The following NRF1 variants were observed in gnomAD, a reference collection of about 807,000 sequenced individuals.
NRF1 encodes alpha palindromic-binding protein.
In NRF1, 5 loss-of-function variants were observed where a neutral mutation model predicts 58.5. That is an observed-to-expected ratio of 0.09 (90% CI 0.04 to 0.18). The LOEUF (loss-of-function observed/expected upper bound fraction) is 0.18, where lower values mean the gene tolerates loss of function less well. Ranked by LOEUF, NRF1 falls within the 10% of genes least tolerant of loss-of-function variation. NRF1 has a pLI of 1.00. For synonymous variants in NRF1, 224 were observed against 246.7 expected (o/e 0.91, Z 0.86); for missense variants, 288 against 657.7 (o/e 0.44, Z 6.15).
intron 1 of NRF1, among the ~76,000 whole-genome samples, chr7:129,617,546 C>T (rs768253440): frequency 2.0e-5 from 3 of 152,198 alleles, no homozygotes; most frequent in Admixed American, 6.5e-5. Context: ...CATTCATTCA[C>T]CTGACGATGA....
chr7:129,703,179 G>A (rs370879879), intron 5 of NRF1, among the ~76,000 whole-genome samples: 2 of 152,140 alleles, frequency 1.3e-5, no homozygotes, highest in African/African-American at 4.8e-5. Flanking sequence ...GGAAGTGGTA[G>A]TATTTTCTAT....
intron 1 of NRF1, among the ~76,000 whole-genome samples, chr7:129,631,424 T>A (rs1801046859): frequency 6.6e-6 from 1 of 152,074 alleles, no homozygotes. Flanking sequence ...CTCCCTATGT[T>A]GCCAAGGCTG....
Position 129,719,497 on chromosome 7 carries a change from AACACACACACACACACACACAC to A in NRF1, c.1223+2147_1223+2168del, listed in dbSNP as rs67443980. ...TGGTTGATTAGGAATAGGAAACTGAAACACACACACACACACACACACACACACACACACACACACACACACA... is the reference window on the plus strand; with the variant it reads ...TGGTTGATTAGGAATAGGAAACTGAAACACACACACACACACACACACACA... On this transcript the variant is annotated intron_variant, in intron 9 of 10. Coordinates refer to ENST00000393232, the MANE Select transcript of NRF1 (RefSeq NM_005011.5). Among the ~76,000 whole-genome samples, 689 of 141,998 alleles carry A rather than the reference AACACACACACACACACACACAC, an allele frequency of 4.9e-3. 2 individuals carry two copies. Among genetic ancestry groups the A allele is most frequent in the Non-Finnish European group, 8.0e-3 (516 of 64,578 alleles). 93.2% of individuals were successfully genotyped at this position (141,998 alleles called of 152,430 possible).
chr7:129,751,229 G>A (rs1477987949), intron 10 of NRF1, among the ~76,000 whole-genome samples: 1 of 152,194 alleles, frequency 6.6e-6, no homozygotes, highest in African/African-American at 2.4e-5. Context: ...AAGTGAGTGG[G>A]GATTAGTGGA....
At chr7:129,673,446 G>A (rs781266299) in intron 3 of NRF1, among the ~76,000 whole-genome samples, 14 of 152,102 alleles carry the variant, frequency 9.2e-5, no homozygotes, top group Admixed American at 2.0e-4. Context: ...AGCTGTTTTC[G>A]GGGTCGGGCG....
intron 1 of NRF1, among the ~76,000 whole-genome samples, chr7:129,654,042 C>G (rs766544996): frequency 6.6e-6 from 1 of 152,178 alleles, no homozygotes; most frequent in Admixed American, 6.5e-5. Context: ...TTATAACAGA[C>G]TGCCACACTG....
chr7:129,697,959 T>C (rs1387285148), intron 5 of NRF1, among the ~76,000 whole-genome samples: 1 of 152,142 alleles, frequency 6.6e-6, no homozygotes, highest in Non-Finnish European at 1.5e-5. Flanking sequence ...CTCGAACTGC[T>C]GAGCTCAGGC....
chr7:129,726,644 C>T (rs1254858910), intron 9 of NRF1, among the ~76,000 whole-genome samples: 1 of 152,106 alleles, frequency 6.6e-6, no homozygotes, highest in Non-Finnish European at 1.5e-5. Flanking sequence ...TACAGTGAGT[C>T]AAAGGGAAGA....
intron 1 of NRF1, among the ~76,000 whole-genome samples, chr7:129,634,169 C>T (rs1294693373): frequency 1.3e-5 from 2 of 151,370 alleles, no homozygotes; most frequent in African/African-American, 4.9e-5. Flanking sequence ...TACCCATTTC[C>T]TTTATTAATA....
chr7:129,725,190 A>G (rs1418122514), intron 9 of NRF1, among the ~76,000 whole-genome samples: 4 of 152,176 alleles, frequency 2.6e-5, no homozygotes, highest in African/African-American at 9.7e-5. Context: ...TGTGGAGATG[A>G]ATGATGGTGA....
rs560063690 is a variant in NRF1, at chr7:129,663,919, G to A, written c.223+6345G>A. Among the ~76,000 whole-genome samples the A allele has an allele frequency of 4.6e-5, 7 of 152,326 alleles. No individual in the cohort carries two copies. The South Asian group carries it at 1.5e-3, about 32-fold the overall frequency. On this transcript the variant is annotated intron_variant, in intron 2 of 10. Transcript: ENST00000393232. ...GTGGGCAGATCACCCGAGGCCAGGAGCTGGAGACCAGTCCGGTCAACACGG... is the reference window on the plus strand; with the variant it reads ...GTGGGCAGATCACCCGAGGCCAGGAACTGGAGACCAGTCCGGTCAACACGG...
At chr7:129,708,466 T>C (rs926171732) in intron 5 of NRF1, among the ~76,000 whole-genome samples, 5 of 152,258 alleles carry the variant, frequency 3.3e-5, no homozygotes, top group Non-Finnish European at 7.3e-5. Context: ...CCTAGCTTAC[T>C]GGAAAATTTC....
At chr7:129,631,648 A>T (rs1369331663) in intron 1 of NRF1, among the ~76,000 whole-genome samples, 2 of 152,172 alleles carry the variant, frequency 1.3e-5, no homozygotes, top group Non-Finnish European at 2.9e-5. Flanking sequence ...ATATTATAAG[A>T]TGATAAACTG....
intron 8 of NRF1, among the ~76,000 whole-genome samples, chr7:129,713,311 G>A (rs895988529): frequency 4.0e-5 from 6 of 151,844 alleles, no homozygotes; most frequent in Admixed American, 2.6e-4. Flanking sequence ...GGATGGTCTC[G>A]ATCTCTTGAC....
At chr7:129,745,506 A>ACCCCCCCCCCCCCCC (rs35406699) in intron 10 of NRF1, among the ~76,000 whole-genome samples, 17 of 112,582 alleles carry the variant, frequency 1.5e-4, no homozygotes, top group East Asian at 2.6e-4. Context: ...ATCCCCCTCA[A>ACCCCCCCCCCCCCCC]CCCCCCCCCC....
At chr7:129,635,161 G>T (rs1801141130) in intron 1 of NRF1, among the ~76,000 whole-genome samples, 1 of 152,058 alleles carries the variant, frequency 6.6e-6, no homozygotes, top group African/African-American at 2.4e-5. Context: ...CATTAAGTAA[G>T]GTATTGTTGG....
chr7:129,639,724 C>T (rs1801247388), intron 1 of NRF1, among the ~76,000 whole-genome samples: 1 of 151,744 alleles, frequency 6.6e-6, no homozygotes, highest in East Asian at 1.9e-4. Context: ...ATTTTTGTGT[C>T]TTTAGTAGAA....
intron 9 of NRF1, among the ~76,000 whole-genome samples, chr7:129,719,787 C>G (rs1035344980): frequency 2.6e-5 from 4 of 152,068 alleles, no homozygotes; most frequent in African/African-American, 9.7e-5. Context: ...CAAGTGAGAC[C>G]CTCCGTCCCT....
intron 1 of NRF1, among the ~76,000 whole-genome samples, chr7:129,620,864 GAT>G (rs1800783473): frequency 6.6e-6 from 1 of 152,174 alleles, no homozygotes. Flanking sequence ...TCAGTCTAGT[GAT>G]ATGGGGCAAG....
Sources: gnomAD v4.1 joint callset for allele counts (sites outside exome capture counted in the v4.1 genomes callset) on GRCh38, gnomAD v4.1.1 for gene constraint, MANE v1.5 for transcripts, NCBI Gene and HGNC (gene_info 2026-07-23, HGNC 2026-07-21) for gene names.